NAT10: variants seen among roughly 807,000 people sequenced by gnomAD.
NAT10 encodes RNA cytidine acetyltransferase.
A neutral mutation model predicts 132.2 loss-of-function variants in NAT10; 109 were observed. That is an observed-to-expected ratio of 0.82 (90% CI 0.71 to 0.97). The LOEUF is 0.97. NAT10 is among the 50% of genes least tolerant of loss of function. The pLI is 0.00. For missense variants in NAT10, 1,184 were observed against 1,263.4 expected, an observed-to-expected ratio of 0.94 and a Z score of 0.95; for synonymous variants, 479 against 478.0, an observed-to-expected ratio of 1.00 and a Z score of -0.03.
chr11:34,132,339 C>G, intron 15 of NAT10, 118 bp downstream of exon 15: 1 of 820,226 alleles, frequency 1.2e-6, no homozygotes, highest in Admixed American at 1.8e-5. Flanking sequence ...TCCATTGGGA[C>G]ATTGATGAGT....
chr11:34,146,799 C>T lies in NAT10; in HGVS notation c.*607C>T, dbSNP rs1257447549. On this transcript the variant is annotated 3_prime_UTR_variant, in exon 29 of 29. Transcript: ENST00000257829. ...ATGTAGAATGCCACATCTGCGTCCT[C>T]AAGACCTGTTTCATCCATTTGGGAA... 1 of 152,330 alleles carries T rather than the reference C, an allele frequency of 6.6e-6. No individual in the cohort carries two copies. The highest frequency in any genetic ancestry group is 6.5e-5 in the Admixed American group (1 of 15,292). 9.4% of individuals were successfully genotyped at this position (152,330 alleles called of 1,614,324 possible). A position where few individuals can be genotyped will look rare whatever the true frequency, so the allele number is the denominator to read the frequency against.
intron 11 of NAT10, 32 bp from the exon 12 acceptor site, chr11:34,127,431 A>G (rs562317184): frequency 1.1e-5 from 17 of 1,579,076 alleles, no homozygotes; most frequent in East Asian, 2.3e-5. Flanking sequence ...TGAGTTCACT[A>G]TGCTAATAAT....
chr11:34,126,284 C>T (rs1851992693), intron 11 of NAT10, among the ~76,000 whole-genome samples: 1 of 152,300 alleles, frequency 6.6e-6, no homozygotes, highest in Middle Eastern at 3.4e-3. Flanking sequence ...CCATGGGTGA[C>T]TTAGTTCTGA....
Position 34,118,519 on chromosome 11 carries a change from A to G in NAT10, c.780+16A>G. On this transcript the variant is annotated intron_variant, in intron 8 of 28. Coordinates refer to ENST00000257829, the MANE Select transcript of NAT10 (RefSeq NM_024662.3). ...TCTAGACCAGGTGAGTGTGGTGCTC[A>G]GCACTTCCAACACAAAGGTAGTAAA... 1 of 1,598,736 alleles carries G rather than the reference A, an allele frequency of 6.3e-7. No homozygotes were observed. Among genetic ancestry groups the G allele is most frequent in the East Asian group, 2.2e-5 (1 of 44,752 alleles).
At position 34,139,579 on chromosome 11, in the gene NAT10, G is replaced by T. The variant is rs915495082; in HGVS notation, c.2419+84G>T. ...GTGTGGTGTCCTAGGAAGGGTTTGGGCTGGAAATTGAGGGACTGGTTCTAG... is the reference window on the plus strand; with the variant it reads ...GTGTGGTGTCCTAGGAAGGGTTTGGTCTGGAAATTGAGGGACTGGTTCTAG... On this transcript the variant is annotated intron_variant, in intron 23 of 28. Transcript: ENST00000257829. 7 of 1,261,858 alleles carry T rather than the reference G, an allele frequency of 5.5e-6. No homozygotes were observed. In the African/African-American group the frequency reaches 1.0e-4, roughly 19 times the overall value. The allele number at this position is 1,261,858 out of a possible 1,614,324, so 78.2% of individuals were successfully genotyped here.
chr11:34,115,815 T>C lies in NAT10; in HGVS notation c.496-8T>C. The C allele has an allele frequency of 6.2e-7, 1 of 1,613,892 alleles. No individual in the cohort carries two copies. The highest frequency in any genetic ancestry group is 8.5e-7 in the Non-Finnish European group (1 of 1,179,886). On this transcript the variant is annotated splice_polypyrimidine_tract_variant and splice_region_variant and intron_variant, in intron 5 of 28. Transcript: ENST00000257829. ...CCTTTGTTAATGGATGTTGTCTTTC[T>C]TTGTTAGGATGTGCATTCCAGGTAC...
chr11:34,124,281 A>G (rs1565112255), intron 10 of NAT10, 21 bp from the exon 11 acceptor site: 1 of 1,534,978 alleles, frequency 6.5e-7, no homozygotes, highest in East Asian at 2.3e-5. Flanking sequence ...AAAGTTTGTC[A>G]TTGGTTTGAC....
At chr11:34,131,634 A>G (rs986561386) in intron 14 of NAT10, 103 bp downstream of exon 14, 13 of 1,220,694 alleles carry the variant, frequency 1.1e-5, no homozygotes, top group South Asian at 2.0e-5. Flanking sequence ...CTCTAGAGAA[A>G]GGGGAAAGTT....
intron 21 of NAT10, among the ~76,000 whole-genome samples, chr11:34,138,236 TC>T (rs1781608414): frequency 1.3e-5 from 2 of 151,988 alleles, no homozygotes; most frequent in South Asian, 4.2e-4. Flanking sequence ...ACTTCATCCT[TC>T]GGAACAGGGA....
rs948109196 is a variant in NAT10 at position 34,110,559 on chromosome 11, C to CTT, written c.201-1469_201-1468dup. ...CTTACGTTCATTTTTTTTTCTTTCCCTTTTTTTTTTTTTTTTTTTTTTTTT... is the reference window on the plus strand; with the variant it reads ...CTTACGTTCATTTTTTTTTCTTTCCCTTTTTTTTTTTTTTTTTTTTTTTTTTT... On this transcript the variant is annotated intron_variant, in intron 3 of 28. Coordinates refer to ENST00000257829, the MANE Select transcript of NAT10 (RefSeq NM_024662.3). Among the ~76,000 whole-genome samples the CTT allele has an allele frequency of 4.0e-3, 404 of 101,702 alleles. 8 individuals are homozygous for CTT. The highest frequency in any genetic ancestry group is 0.016 in the African/African-American group (357 of 22,310). 66.7% of individuals were successfully genotyped at this position (101,702 alleles called of 152,430 possible). A position where few individuals can be genotyped will look rare whatever the true frequency, so the allele number is the denominator to read the frequency against.
intron 19 of NAT10, 50 bp from the exon 20 acceptor site, chr11:34,136,592 C>G (rs753502493): frequency 1.1e-5 from 18 of 1,610,222 alleles, no homozygotes; most frequent in African/African-American, 9.4e-5. Context: ...TTGACGATGT[C>G]TCTCTCCCTC....
Position 34,146,141 on chromosome 11 carries a change from G to T in NAT10, c.3027G>T (p.Lys1009Asn). The part of the protein sequence containing the change: ...KQEPKQSKKL[K>N]NRETKNKKDM... Reference sequence around the variant, plus strand: ...AACCCAAACAGAGCAAGAAGTTGAAGAACAGAGAGACAAAGAACAAAAAAG... The same window carrying T: ...AACCCAAACAGAGCAAGAAGTTGAATAACAGAGAGACAAAGAACAAAAAAG... Residue 1009 changes from lysine to asparagine, a missense_variant, in exon 29 of 29, where the codon AAG becomes AAT. Physicochemically the swap from Lys to Asn is moderately conservative, Grantham distance 94 (BLOSUM62 0). Transcript: ENST00000257829. 6.2e-7 allele frequency: 1 copy of T among 1,610,720 alleles called. No individual in the cohort carries two copies. The highest frequency in any genetic ancestry group is 8.5e-7 in the Non-Finnish European group (1 of 1,178,926).
At chr11:34,132,856 A>G (rs893515071) in intron 15 of NAT10, among the ~76,000 whole-genome samples, 170 bp from the exon 16 acceptor site, 3 of 152,236 alleles carry the variant, frequency 2.0e-5, no homozygotes, top group Non-Finnish European at 1.5e-5. Context: ...ACCTGTTATG[A>G]AGAGTCTCAG....
At chr11:34,143,775 G>A (rs1310735196) in intron 28 of NAT10, among the ~76,000 whole-genome samples, 1 of 152,242 alleles carries the variant, frequency 6.6e-6, no homozygotes, top group Non-Finnish European at 1.5e-5. Context: ...CACTGGGCCT[G>A]TCATGGAGAA....
chr11:34,129,887 G>A (rs1484788660), intron 12 of NAT10, among the ~76,000 whole-genome samples: 1 of 151,894 alleles, frequency 6.6e-6, no homozygotes, highest in African/African-American at 2.4e-5. Flanking sequence ...GGGATTATAG[G>A]TATGAGCCAC....
intron 19 of NAT10, 96 bp from the exon 20 acceptor site, chr11:34,136,543 TTTG>T: frequency 7.0e-7 from 1 of 1,424,756 alleles, no homozygotes; most frequent in Non-Finnish European, 9.6e-7. Context: ...TCTCCCAGTT[TTTG>T]TTGTGCTAAG....
rs896095651 is a variant in NAT10 at position 34,113,983 on chromosome 11, A to G, written c.495+145A>G. On this transcript the variant is annotated intron_variant, in intron 5 of 28. Transcript: ENST00000257829. Reference sequence around the variant, plus strand: ...GGCTAAGAGCTCTTTGATTTTAACTAATGAAAAAGTCACTACAGTTAAATC... The same window carrying G: ...GGCTAAGAGCTCTTTGATTTTAACTGATGAAAAAGTCACTACAGTTAAATC... 6.3e-6 allele frequency: 6 copies of G among 955,766 alleles called. No homozygotes were observed. In the African/African-American group the frequency reaches 6.7e-5, roughly 11 times the overall value. 59.2% of individuals were successfully genotyped at this position (955,766 alleles called of 1,614,324 possible).
Position 34,124,401 on chromosome 11 carries a change from G to A in NAT10, c.1107+1G>A, listed in dbSNP as rs1851950091. On this transcript the variant is annotated splice_donor_variant, in intron 11 of 28. Coordinates refer to ENST00000257829, the MANE Select transcript of NAT10 (RefSeq NM_024662.3). LOFTEE classifies it high-confidence loss of function. ...TCGAGAACACAGGCAGACTATTCAG[G>A]TGAGGCTTGTTCTCAGACCCTGATG... 6.2e-7 allele frequency: 1 copy of A among 1,611,228 alleles called. No individual in the cohort carries two copies. Among genetic ancestry groups the A allele is most frequent in the Non-Finnish European group, 8.5e-7 (1 of 1,177,730 alleles).
At chr11:34,107,923 T>C (rs924738831) in intron 1 of NAT10, among the ~76,000 whole-genome samples, 1 of 152,260 alleles carries the variant, frequency 6.6e-6, no homozygotes, top group Admixed American at 6.5e-5. Flanking sequence ...TGTATTTTAG[T>C]CATTCTTCTA....
Sources: gnomAD v4.1 joint callset for allele counts (sites outside exome capture counted in the v4.1 genomes callset) on GRCh38, gnomAD v4.1.1 for gene constraint, MANE v1.5 for transcripts, NCBI Gene and HGNC (gene_info 2026-07-23, HGNC 2026-07-21) for gene names.